GALNT13: variants seen among roughly 807,000 people sequenced by gnomAD.
The protein encoded by GALNT13 is polypeptide N-acetylgalactosaminyltransferase 13.
A neutral mutation model predicts 64.2 loss-of-function variants in GALNT13; 28 were observed. That is an observed-to-expected ratio of 0.44 (90% confidence interval 0.32 to 0.60). The LOEUF (loss-of-function observed/expected upper bound fraction) is 0.60, where lower values mean the gene tolerates loss of function less well. GALNT13 is among the 20% of genes least tolerant of loss of function. The probability of loss-of-function intolerance (pLI) is 0.05; values close to 1 mark genes in which losing one functional copy is unlikely to be tolerated. For missense variants in GALNT13, 577 were observed against 669.8 expected, an observed-to-expected ratio of 0.86 and a Z score of 1.53; for synonymous variants, 214 against 224.6, an observed-to-expected ratio of 0.95 and a Z score of 0.42.
chr2:154,431,129 C>G (rs1006361464), intron 11 of GALNT13, among the ~76,000 whole-genome samples: 1 of 152,064 alleles, frequency 6.6e-6, no homozygotes, highest in Non-Finnish European at 1.5e-5. Context: ...TACATACACA[C>G]TCACACCCCT....
the GALNT13 span, among the ~76,000 whole-genome samples, chr2:153,282,675 C>A: frequency 5.9e-5 from 9 of 152,174 alleles, no homozygotes; most frequent in African/African-American, 2.2e-4. Context: ...CTCAGCCTCC[C>A]AAACTGTTAG....
At chr2:154,185,462 C>G (rs572814295) in intron 4 of GALNT13, among the ~76,000 whole-genome samples, 5 of 152,036 alleles carry the variant, frequency 3.3e-5, no homozygotes, top group African/African-American at 1.2e-4. Flanking sequence ...TTCTCTATCC[C>G]TTCCGAGATT....
chr2:154,207,125 A>G (rs1016160394), intron 4 of GALNT13, among the ~76,000 whole-genome samples: 2 of 152,192 alleles, frequency 1.3e-5, no homozygotes, highest in Admixed American at 6.5e-5. Flanking sequence ...ATCACTAACT[A>G]TGACCCCATT....
At chr2:153,472,998 C>T in the GALNT13 span, among the ~76,000 whole-genome samples, 5 of 151,842 alleles carry the variant, frequency 3.3e-5, no homozygotes, top group African/African-American at 7.3e-5. Context: ...AATATATGGA[C>T]ATAGGGAGGG....
At chr2:153,289,483 C>T in the GALNT13 span, among the ~76,000 whole-genome samples, 1 of 152,092 alleles carries the variant, frequency 6.6e-6, no homozygotes, top group Non-Finnish European at 1.5e-5. Context: ...TAACTTATCC[C>T]AAAGTAGTTG....
chr2:154,296,645 A>G (rs1032227214), intron 8 of GALNT13, among the ~76,000 whole-genome samples: 2 of 152,228 alleles, frequency 1.3e-5, no homozygotes, highest in African/African-American at 2.4e-5. Context: ...CATGTCTGAG[A>G]GAGAGAGAGG....
chr2:153,455,409 C>T, the GALNT13 span, among the ~76,000 whole-genome samples: 10 of 152,178 alleles, frequency 6.6e-5, no homozygotes, highest in African/African-American at 2.4e-4. Flanking sequence ...TCAACTCCTC[C>T]GCTGAAGGGA....
At chr2:154,178,439 T>C (rs1365730630) in intron 4 of GALNT13, among the ~76,000 whole-genome samples, 1 of 145,148 alleles carries the variant, frequency 6.9e-6, no homozygotes, top group African/African-American at 2.5e-5. Flanking sequence ...GGGGGAGGGA[T>C]AGCATTAGGA....
chr2:153,151,530 T>C, the GALNT13 span, among the ~76,000 whole-genome samples: 13 of 152,104 alleles, frequency 8.5e-5, no homozygotes, highest in African/African-American at 2.9e-4. Context: ...CACATGCACA[T>C]GTATGTTTAT....
chr2:153,836,461 C>A, the GALNT13 span, among the ~76,000 whole-genome samples: 4 of 151,804 alleles, frequency 2.6e-5, no homozygotes, highest in African/African-American at 9.7e-5. Context: ...GACAGAAATT[C>A]TCTTATTTCC....
chr2:153,932,916 C>T (rs1690637431), intron 2 of GALNT13, among the ~76,000 whole-genome samples: 1 of 152,148 alleles, frequency 6.6e-6, no homozygotes, highest in South Asian at 2.1e-4. Flanking sequence ...GCATGAGCCA[C>T]TGTGCCTGGC....
chr2:153,077,246 C>T, the GALNT13 span, among the ~76,000 whole-genome samples: 1 of 152,108 alleles, frequency 6.6e-6, no homozygotes. Flanking sequence ...GCCACCATGC[C>T]TGGCTCCATT....
chr2:153,720,922 C>A, the GALNT13 span, among the ~76,000 whole-genome samples: 1 of 151,930 alleles, frequency 6.6e-6, no homozygotes, highest in Non-Finnish European at 1.5e-5. Context: ...CCCAATCTAG[C>A]AAGGCAGGCC....
At chr2:154,162,079 C>T (rs968518186) in intron 4 of GALNT13, among the ~76,000 whole-genome samples, 21 of 152,170 alleles carry the variant, frequency 1.4e-4, no homozygotes, top group African/African-American at 5.1e-4. Context: ...CCGTGCCAGG[C>T]ACAAGTGTAT....
the GALNT13 span, among the ~76,000 whole-genome samples, chr2:153,284,797 C>A: frequency 6.6e-6 from 1 of 152,042 alleles, no homozygotes; most frequent in Non-Finnish European, 1.5e-5. Flanking sequence ...TTCCTGCTTT[C>A]CTTCTTAAAG....
the GALNT13 span, among the ~76,000 whole-genome samples, chr2:153,653,292 A>G: frequency 7.2e-5 from 11 of 152,208 alleles, no homozygotes; most frequent in African/African-American, 2.2e-4. Context: ...CTAATCCACT[A>G]GGGAGCTTTA....
the GALNT13 span, among the ~76,000 whole-genome samples, chr2:153,611,842 G>T: frequency 1.3e-5 from 2 of 151,772 alleles, no homozygotes; most frequent in Admixed American, 6.6e-5. Context: ...TTGTCCTAGT[G>T]CTCTCCCTCC....
At chr2:154,243,409 A>G (rs577882598) in intron 6 of GALNT13, among the ~76,000 whole-genome samples, 27 of 152,242 alleles carry the variant, frequency 1.8e-4, no homozygotes, top group Non-Finnish European at 3.8e-4. Context: ...AGTCTAGTTC[A>G]AATCCACCTG....
chr2:154,316,185 ATT>A (rs1177662947), intron 9 of GALNT13, among the ~76,000 whole-genome samples: 3 of 152,226 alleles, frequency 2.0e-5, no homozygotes, highest in Non-Finnish European at 4.4e-5. Flanking sequence ...TACTATTATT[ATT>A]ACTGAAAGGT....
Sources: allele counts gnomAD v4.1 joint callset (sites outside exome capture counted in the v4.1 genomes callset), GRCh38; gene constraint gnomAD v4.1.1; transcripts MANE v1.5; gene names NCBI Gene and HGNC (gene_info 2026-07-23, HGNC 2026-07-21).